The following TMTC4 variants were observed in gnomAD, a reference collection of about 807,000 sequenced individuals.
The protein encoded by TMTC4 is transmembrane O-mannosyltransferase targeting cadherins 4.
A neutral mutation model predicts 86.0 loss-of-function variants in TMTC4; 65 were observed. That is an observed-to-expected ratio of 0.76 (90% CI 0.62 to 0.93). The LOEUF (loss-of-function observed/expected upper bound fraction) is 0.93, where lower values mean the gene tolerates loss of function less well. TMTC4 is among the 40% of genes least tolerant of loss of function. The probability of loss-of-function intolerance (pLI) is 0.00; values close to 1 mark genes in which losing one functional copy is unlikely to be tolerated. For synonymous variants in TMTC4, 379 were observed against 382.5 expected (o/e 0.99, Z 0.11); for missense variants, 866 against 948.1 (o/e 0.91, Z 1.14).
chr13:100,674,906 C>A (rs1025824127), upstream of TMTC4: 70 of 984,790 alleles, frequency 7.1e-5, no homozygotes, highest in South Asian at 9.4e-5. Context: ...GGGCGCCCCC[C>A]AGCACCAGTC....
At chr13:100,629,690 T>C (rs140388115) in intron 12 of TMTC4, among the ~76,000 whole-genome samples, 88 of 152,310 alleles carry the variant, frequency 5.8e-4, no homozygotes, top group African/African-American at 1.9e-3. Flanking sequence ...AAAGTTTACA[T>C]TAAACCCTCA....
intron 3 of TMTC4, among the ~76,000 whole-genome samples, chr13:100,667,698 G>A (rs968589374): frequency 1.3e-5 from 2 of 152,072 alleles, no homozygotes; most frequent in African/African-American, 4.8e-5. Flanking sequence ...ATTATATCTA[G>A]TAGGGAGCTA....
intron 7 of TMTC4, 104 bp from the exon 8 acceptor site, chr13:100,638,126 G>A: frequency 1.2e-6 from 1 of 815,418 alleles, no homozygotes; most frequent in Non-Finnish European, 2.0e-6. Flanking sequence ...GGAACACATA[G>A]ACTAGAGAAT....
At chr13:100,612,864 A>G (rs898038057) in intron 16 of TMTC4, among the ~76,000 whole-genome samples, 3 of 152,260 alleles carry the variant, frequency 2.0e-5, no homozygotes, top group Non-Finnish European at 4.4e-5. Flanking sequence ...TAACACTTTC[A>G]TAACTGAGAA....
intron 10 of TMTC4, among the ~76,000 whole-genome samples, chr13:100,636,045 C>T (rs1239284673): frequency 6.6e-6 from 1 of 152,156 alleles, no homozygotes; most frequent in African/African-American, 2.4e-5. Flanking sequence ...TCATGAAACA[C>T]ATTTGTTTTC....
At chr13:100,611,196 T>C (rs576388335) in intron 17 of TMTC4, among the ~76,000 whole-genome samples, 1 of 152,342 alleles carries the variant, frequency 6.6e-6, no homozygotes, top group South Asian at 2.1e-4. Flanking sequence ...AAATAAGATA[T>C]AGCCCCTGAT....
Position 100,626,126 on chromosome 13 carries a change from G to T in TMTC4, c.1531C>A (p.Leu511Met), listed in dbSNP as rs143483553. ...GCTGTCTGGTTGCCTTTATCAGCCA[G>T]GTTTTTGCCAATGTTGTAGTGAACC... ...AKVHYNIGKN[L>M]ADKGNQTAAI... Residue 511 changes from leucine (L) to methionine (M), a missense_variant, in exon 13 of 19, where the codon CTG (leucine) becomes ATG (methionine). Physicochemically the swap from Leu to Met is conservative, Grantham distance 15. Coordinates refer to ENST00000342624, the MANE Select transcript of TMTC4 (RefSeq NM_032813.5). The T allele has an allele frequency of 1.9e-5, 30 of 1,614,082 alleles. No individual in the cohort carries two copies. Among genetic ancestry groups the T allele is most frequent in the Admixed American group, 8.3e-5 (5 of 60,000 alleles).
At chr13:100,674,982 C>T (rs979028962), upstream of TMTC4, 46 of 985,484 alleles carry the variant, frequency 4.7e-5, no homozygotes, top group Non-Finnish European at 5.4e-5. Flanking sequence ...CAGCCAAGTC[C>T]CTCCTCAGCT....
At chr13:100,651,866 T>C (rs542476203) in intron 6 of TMTC4, among the ~76,000 whole-genome samples, 65 of 152,314 alleles carry the variant, frequency 4.3e-4, no homozygotes, top group African/African-American at 1.5e-3. Context: ...TTAAATAGCA[T>C]TACTATTTGT....
At chr13:100,674,867 C>G, upstream of TMTC4, 1 of 977,286 alleles carries the variant, frequency 1.0e-6, no homozygotes, top group Non-Finnish European at 1.2e-6. Flanking sequence ...CCCCCCCGCG[C>G]CGCGCCTCCC....
In TMTC4 at chr13:100,667,758, A is replaced by T. The variant is rs142878246; in HGVS notation, c.219+821T>A. 3.3e-4 allele frequency among the ~76,000 whole-genome samples: 51 copies of T among 152,292 alleles called. 1 individual carries two copies. The East Asian group carries it at 6.2e-3, about 18-fold the overall frequency. Reference sequence around the variant, plus strand: ...CTTCACTGGCTAAGGAACACACATAAAATATCTTCTGAATAACAGATTGTT... The same window carrying T: ...CTTCACTGGCTAAGGAACACACATATAATATCTTCTGAATAACAGATTGTT... On this transcript the variant is annotated intron_variant, in intron 3 of 18. Transcript: ENST00000342624.
intron 6 of TMTC4, among the ~76,000 whole-genome samples, chr13:100,642,623 G>GGTGAC (rs1883175479): frequency 6.6e-6 from 1 of 152,118 alleles, no homozygotes; most frequent in Non-Finnish European, 1.5e-5. Context: ...CAACCTACCA[G>GGTGAC]TCACCTGCTA....
intron 12 of TMTC4, 72 bp from the exon 13 acceptor site, chr13:100,626,222 C>T: frequency 6.8e-7 from 1 of 1,463,678 alleles, no homozygotes; most frequent in South Asian, 1.1e-5. Flanking sequence ...ATCACATCTT[C>T]TAACTGAAGA....
In TMTC4 at chr13:100,635,099, G is replaced by A. The variant is rs1220466592; in HGVS notation, c.1299C>T (p.Leu433=). 6.2e-7 allele frequency: 1 copy of A among 1,614,136 alleles called. No individual in the cohort carries two copies. The change falls in exon 11 of 19, where the codon CTC becomes CTT. Residue 433 remains leucine, a synonymous_variant. Transcript: ENST00000342624. ...CACAGTACCCAACGCTGGGGAGGTA[G>A]AGGACACGCTCTGCGACCACGAAGC... ...RVGFVVAERV[L]YLPSVGYCVL...
At chr13:100,674,817 G>A (rs1215897731), upstream of TMTC4, 7 of 981,014 alleles carry the variant, frequency 7.1e-6, no homozygotes, top group African/African-American at 1.8e-5. Context: ...GCACCCGCCC[G>A]GACCTGGCAG....
intron 17 of TMTC4, among the ~76,000 whole-genome samples, chr13:100,608,812 T>C (rs1029830736): frequency 2.6e-5 from 4 of 152,184 alleles, no homozygotes; most frequent in Admixed American, 6.5e-5. Flanking sequence ...ATATTTTTTT[T>C]CTGAACAGAA....
chr13:100,672,010 G>A (rs1443403597), intron 1 of TMTC4, among the ~76,000 whole-genome samples: 12 of 152,144 alleles, frequency 7.9e-5, no homozygotes, highest in Non-Finnish European at 1.3e-4. Context: ...GAACTGCTTA[G>A]TCTTTCTAAG....
upstream of TMTC4, chr13:100,674,861 C>G (rs904459160): frequency 3.2e-5 from 31 of 977,154 alleles, no homozygotes; most frequent in East Asian, 1.1e-4. Flanking sequence ...CCCGACCCCC[C>G]CCGCGCCGCG....
intron 3 of TMTC4, among the ~76,000 whole-genome samples, 179 bp from the exon 4 acceptor site, chr13:100,664,515 G>T (rs552290714): frequency 1.3e-5 from 2 of 152,098 alleles, no homozygotes; most frequent in Non-Finnish European, 2.9e-5. Flanking sequence ...TTCAAACACC[G>T]ATCAGCTTTC....
Sources: gnomAD v4.1 joint callset for allele counts (sites outside exome capture counted in the v4.1 genomes callset) on GRCh38, gnomAD v4.1.1 for gene constraint, MANE v1.5 for transcripts, NCBI Gene and HGNC (gene_info 2026-07-23, HGNC 2026-07-21) for gene names.